The following DPYD variants were observed in gnomAD, a reference collection of about 807,000 sequenced individuals.
DPYD encodes the protein dihydropyrimidine dehydrogenase, also known as dihydropyrimidine dehydrogenase [NADP(+)].
DPYD carries 109 observed loss-of-function variants against 116.2 expected under a neutral mutation model. The observed-to-expected ratio is 0.94, with a 90% confidence interval of 0.80 to 1.10. The LOEUF is 1.10. Ranked by LOEUF, DPYD falls within the 50% of genes least tolerant of loss-of-function variation. The probability of loss-of-function intolerance (pLI) is 0.00; values close to 1 mark genes in which losing one functional copy is unlikely to be tolerated. For missense variants in DPYD, 1,302 were observed against 1,254.5 expected (o/e 1.04, Z -0.57); for synonymous variants, 440 against 432.0 (o/e 1.02, Z -0.23).
At chr1:97,758,062 G>A (rs1665352616) in intron 3 of DPYD, among the ~76,000 whole-genome samples, 1 of 151,972 alleles carries the variant, frequency 6.6e-6, no homozygotes, top group Non-Finnish European at 1.5e-5. Context: ...CAGTCATAGG[G>A]CAATCAAAGA....
intron 13 of DPYD, among the ~76,000 whole-genome samples, chr1:97,494,638 G>A (rs549095285): frequency 6.6e-6 from 1 of 152,086 alleles, no homozygotes; most frequent in South Asian, 2.1e-4. Context: ...AGCTGCTCAG[G>A]AGGCTGAGGC....
At chr1:97,138,360 A>G (rs1653960227) in intron 20 of DPYD, among the ~76,000 whole-genome samples, 1 of 152,192 alleles carries the variant, frequency 6.6e-6, no homozygotes, top group African/African-American at 2.4e-5. Context: ...TTGTTCAACA[A>G]GCATTCTGAA....
chr1:97,190,146 T>A (rs1658255881), intron 20 of DPYD, among the ~76,000 whole-genome samples: 1 of 152,200 alleles, frequency 6.6e-6, no homozygotes, highest in Non-Finnish European at 1.5e-5. Flanking sequence ...ATGCAGTTTC[T>A]TCATTGGGTA....
intron 20 of DPYD, among the ~76,000 whole-genome samples, chr1:97,100,507 T>G (rs1650590890): frequency 6.6e-6 from 1 of 152,080 alleles, no homozygotes. Flanking sequence ...AGCAGATGCC[T>G]CAGGTTAGCA....
chr1:97,497,601 C>T (rs1679343607), intron 13 of DPYD, among the ~76,000 whole-genome samples: 1 of 151,778 alleles, frequency 6.6e-6, no homozygotes, highest in Admixed American at 6.6e-5. Context: ...TTATCAATAA[C>T]ACTAGGAGTC....
intron 8 of DPYD, among the ~76,000 whole-genome samples, chr1:97,675,571 T>C (rs1557876114): frequency 6.6e-6 from 1 of 152,120 alleles, no homozygotes; most frequent in Non-Finnish European, 1.5e-5. Context: ...ATAGTTAAAA[T>C]CAGGAAACAT....
intron 8 of DPYD, among the ~76,000 whole-genome samples, chr1:97,598,085 G>T (rs1033622166): frequency 1.3e-5 from 2 of 151,936 alleles, no homozygotes; most frequent in African/African-American, 4.8e-5. Context: ...TATTAAGATA[G>T]GTTTATTCTA....
intron 14 of DPYD, among the ~76,000 whole-genome samples, chr1:97,401,450 A>T (rs1673374624): frequency 6.6e-6 from 1 of 152,054 alleles, no homozygotes; most frequent in Non-Finnish European, 1.5e-5. Flanking sequence ...AGTAGCTGGG[A>T]TTCCAGGAGG....
chr1:97,110,824 C>A (rs1223707792), intron 20 of DPYD, among the ~76,000 whole-genome samples: 1 of 152,014 alleles, frequency 6.6e-6, no homozygotes, highest in East Asian at 1.9e-4. Context: ...GCTCATCTAA[C>A]TTTATCTCTC....
intron 20 of DPYD, among the ~76,000 whole-genome samples, chr1:97,172,276 GATC>G (rs1442951636): frequency 6.6e-6 from 1 of 152,216 alleles, no homozygotes; most frequent in African/African-American, 2.4e-5. Flanking sequence ...TTCATAAGCT[GATC>G]AACAGTATTT....
At chr1:97,474,995 T>C (rs1465070449) in intron 13 of DPYD, among the ~76,000 whole-genome samples, 2 of 151,956 alleles carry the variant, frequency 1.3e-5, no homozygotes, top group Admixed American at 6.6e-5. Flanking sequence ...CAATAATATA[T>C]GAGAAAATGT....
At chr1:97,493,022 G>T (rs932075313) in intron 13 of DPYD, among the ~76,000 whole-genome samples, 1 of 152,282 alleles carries the variant, frequency 6.6e-6, no homozygotes, top group South Asian at 2.1e-4. Flanking sequence ...GGATTGGCTA[G>T]ACTTGCTGGT....
intron 20 of DPYD, among the ~76,000 whole-genome samples, chr1:97,110,433 CACGTACCCTGTGATCATCTGAAG>C (rs1651509581): frequency 6.6e-6 from 1 of 152,122 alleles, no homozygotes; most frequent in Non-Finnish European, 1.5e-5. Flanking sequence ...GACTCCACCT[CACGTACCCTGTGATCATCTGAAG>C]GAATTTGCTT....
intron 1 of DPYD, among the ~76,000 whole-genome samples, chr1:97,915,802 T>C (rs113988169): frequency 1.8e-3 from 267 of 152,210 alleles, no homozygotes; most frequent in African/African-American, 6.3e-3. Flanking sequence ...GGCAGAAAAA[T>C]AAATTGGCCA....
intron 20 of DPYD, among the ~76,000 whole-genome samples, chr1:97,156,990 C>A (rs1469783342): frequency 6.6e-6 from 1 of 150,588 alleles, no homozygotes; most frequent in African/African-American, 2.4e-5. Context: ...AATTGGAAAT[C>A]ATCATTCTCA....
chr1:97,556,107 G>C (rs1016444292), intron 11 of DPYD, among the ~76,000 whole-genome samples: 6 of 152,158 alleles, frequency 3.9e-5, no homozygotes, highest in Non-Finnish European at 8.8e-5. Flanking sequence ...AATTTAAGGA[G>C]GTCCTTACTC....
At chr1:97,920,805 C>CG in intron 1 of DPYD, 79 bp downstream of exon 1, 2 of 1,534,448 alleles carry the variant, frequency 1.3e-6, no homozygotes, top group Non-Finnish European at 1.8e-6. Context: ...GCGGGGGCCG[C>CG]GGGGGCCTCC....
At chr1:97,330,679 C>A (rs1668939532) in intron 16 of DPYD, among the ~76,000 whole-genome samples, 1 of 152,076 alleles carries the variant, frequency 6.6e-6, no homozygotes, top group Non-Finnish European at 1.5e-5. Flanking sequence ...GTGTGGTACA[C>A]TGGGGATGAA....
At chr1:97,795,934 T>C (rs1457816216) in intron 3 of DPYD, among the ~76,000 whole-genome samples, 1 of 152,122 alleles carries the variant, frequency 6.6e-6, no homozygotes, top group Non-Finnish European at 1.5e-5. Flanking sequence ...ATTATCCTTA[T>C]AAATTTTCTG....
Sources: allele counts gnomAD v4.1 joint callset (sites outside exome capture counted in the v4.1 genomes callset), GRCh38; gene constraint gnomAD v4.1.1; transcripts MANE v1.5; gene names NCBI Gene and HGNC (gene_info 2026-07-23, HGNC 2026-07-21).